The following B3GALT1 variants were observed in gnomAD, a reference collection of about 807,000 sequenced individuals.
B3GALT1 encodes UDP-Gal:betaGlcNAc beta 1,3-galactosyltransferase, polypeptide 1.
Under a neutral mutation model 23.2 loss-of-function variants are expected in B3GALT1, and 10 were observed. The ratio of observed to expected loss-of-function variants is 0.43; its 90% CI spans 0.27 to 0.73. The LOEUF (loss-of-function observed/expected upper bound fraction) is 0.73, where lower values mean the gene tolerates loss of function less well. Ranked by LOEUF, B3GALT1 falls within the 30% of genes least tolerant of loss-of-function variation. B3GALT1 has a pLI of 0.21. For missense variants in B3GALT1, 299 were observed against 405.4 expected (o/e 0.74, Z 2.25); for synonymous variants, 156 against 141.5 (o/e 1.10, Z -0.73).
chr2:167,855,962 A>C (rs1192678660), intron 4 of B3GALT1, among the ~76,000 whole-genome samples: 1 of 152,144 alleles, frequency 6.6e-6, no homozygotes, highest in Non-Finnish European at 1.5e-5. Flanking sequence ...ACAACAACAA[A>C]AAAAATAGCC....
chr2:167,676,240 A>G (rs1686422662), intron 3 of B3GALT1, among the ~76,000 whole-genome samples: 1 of 152,160 alleles, frequency 6.6e-6, no homozygotes, highest in African/African-American at 2.4e-5. Flanking sequence ...TGCAACATGC[A>G]AACTCATAAA....
At chr2:167,428,434 G>T (rs182509803) in intron 1 of B3GALT1, among the ~76,000 whole-genome samples, 3 of 152,170 alleles carry the variant, frequency 2.0e-5, no homozygotes, top group Admixed American at 6.5e-5. Context: ...CAGCACTTTG[G>T]GGGGCTGAGG....
intron 2 of B3GALT1, among the ~76,000 whole-genome samples, chr2:167,639,957 A>T (rs1685622909): frequency 6.6e-6 from 1 of 152,106 alleles, no homozygotes; most frequent in Non-Finnish European, 1.5e-5. Flanking sequence ...TTTTGAGGTT[A>T]TCTGGGACAC....
chr2:167,521,799 A>G lies in B3GALT1; in HGVS notation c.-410+31522A>G, dbSNP rs140623223. 3.3e-5 allele frequency among the ~76,000 whole-genome samples: 5 copies of G among 152,012 alleles called. No individual in the cohort carries two copies. The East Asian group carries it at 5.8e-4, about 18-fold the overall frequency. ...ATGTAATTCCTAGAACTTGCTTTGTATAACTCTTTTTATTTCTAAGCAAAT... is the reference window on the plus strand; with the variant it reads ...ATGTAATTCCTAGAACTTGCTTTGTGTAACTCTTTTTATTTCTAAGCAAAT... On this transcript the variant is annotated intron_variant, in intron 2 of 4. Coordinates refer to ENST00000392690, the MANE Select transcript of B3GALT1 (RefSeq NM_020981.4).
intron 3 of B3GALT1, among the ~76,000 whole-genome samples, chr2:167,676,421 G>C (rs1280441698): frequency 6.6e-6 from 1 of 151,768 alleles, no homozygotes; most frequent in East Asian, 1.9e-4. Context: ...CATCAGATGA[G>C]TTGTTGAGAG....
At chr2:167,459,297 G>T (rs1699220180) in intron 1 of B3GALT1, among the ~76,000 whole-genome samples, 2 of 151,724 alleles carry the variant, frequency 1.3e-5, no homozygotes, top group Non-Finnish European at 2.9e-5. Context: ...TTTCTGTGTG[G>T]TTACCACAAA....
chr2:167,514,664 T>C (rs887257136), intron 2 of B3GALT1, among the ~76,000 whole-genome samples: 1 of 152,190 alleles, frequency 6.6e-6, no homozygotes, highest in Non-Finnish European at 1.5e-5. Context: ...TAGTTTTTGT[T>C]TGTCATCAAA....
rs929393467 is a variant in B3GALT1, at chr2:167,870,963, T to C, written c.*943T>C. The C allele has an allele frequency of 6.0e-6, 1 of 165,872 alleles. No homozygotes were observed. Among genetic ancestry groups the C allele is most frequent in the Non-Finnish European group, 1.5e-5 (1 of 68,088 alleles). The allele number at this position is 165,872 out of a possible 1,614,324, so 10.3% of individuals were successfully genotyped here. On this transcript the variant is annotated 3_prime_UTR_variant, in exon 5 of 5. Coordinates refer to ENST00000392690, the MANE Select transcript of B3GALT1 (RefSeq NM_020981.4). ...ATTATAATTAACATAAGCTTAGCAA[T>C]AGTATAAGATGCCCCCACACACAGA...
chr2:167,527,445 T>C (rs1683241306), intron 2 of B3GALT1, among the ~76,000 whole-genome samples: 1 of 141,204 alleles, frequency 7.1e-6, no homozygotes. Context: ...ATTTATACCT[T>C]CATTTTATAG....
At chr2:167,553,213 C>A (rs1683780103) in intron 2 of B3GALT1, among the ~76,000 whole-genome samples, 1 of 152,136 alleles carries the variant, frequency 6.6e-6, no homozygotes, top group African/African-American at 2.4e-5. Context: ...CTGTTCATAT[C>A]AGAAAAGCAA....
chr2:167,858,500 C>T (rs1206511247), intron 4 of B3GALT1, among the ~76,000 whole-genome samples: 1 of 152,082 alleles, frequency 6.6e-6, no homozygotes, highest in East Asian at 1.9e-4. Context: ...TCATGTAGCA[C>T]CATTTGACTT....
chr2:167,454,009 A>G (rs918630275), intron 1 of B3GALT1, among the ~76,000 whole-genome samples: 2 of 152,126 alleles, frequency 1.3e-5, no homozygotes, highest in Admixed American at 1.3e-4. Flanking sequence ...CTATTTATCC[A>G]CATCAGAGAC....
chr2:167,736,325 A>G (rs1427972530), intron 3 of B3GALT1, among the ~76,000 whole-genome samples: 3 of 152,198 alleles, frequency 2.0e-5, no homozygotes, highest in African/African-American at 7.2e-5. Flanking sequence ...GTGTAGCCCA[A>G]ATACTGAAAG....
chr2:167,689,317 T>C (rs979087889), intron 3 of B3GALT1, among the ~76,000 whole-genome samples: 2 of 151,850 alleles, frequency 1.3e-5, no homozygotes, highest in Non-Finnish European at 2.9e-5. Context: ...CCAGCAAAAA[T>C]ATCCTTCAGG....
At chr2:167,618,878 CTGA>C (rs994362199) in intron 2 of B3GALT1, among the ~76,000 whole-genome samples, 3 of 151,762 alleles carry the variant, frequency 2.0e-5, no homozygotes, top group Non-Finnish European at 4.4e-5. Flanking sequence ...TTTTCCTTTC[CTGA>C]TGATGTTAAC....
chr2:167,407,000 G>A (rs1406951937), intron 1 of B3GALT1, among the ~76,000 whole-genome samples: 1 of 147,112 alleles, frequency 6.8e-6, no homozygotes, highest in Non-Finnish European at 1.5e-5. Context: ...GGCCAAACTG[G>A]CATTTATGGA....
At chr2:167,580,565 T>A (rs1412906357) in intron 2 of B3GALT1, among the ~76,000 whole-genome samples, 1 of 152,144 alleles carries the variant, frequency 6.6e-6, no homozygotes, top group Non-Finnish European at 1.5e-5. Context: ...CCCTGTGTCC[T>A]CCCTACCCAG....
chr2:167,590,227 T>C (rs986529250), intron 2 of B3GALT1, among the ~76,000 whole-genome samples: 3 of 151,348 alleles, frequency 2.0e-5, no homozygotes, highest in Non-Finnish European at 4.4e-5. Context: ...GCACCTGTAG[T>C]CCCAGCTACT....
chr2:167,707,332 A>G (rs1016270859), intron 3 of B3GALT1, among the ~76,000 whole-genome samples: 1 of 152,096 alleles, frequency 6.6e-6, no homozygotes, highest in Non-Finnish European at 1.5e-5. Flanking sequence ...ATAGATAAGT[A>G]TTGACAGATA....
Sources: gnomAD v4.1 joint callset for allele counts (sites outside exome capture counted in the v4.1 genomes callset) on GRCh38, gnomAD v4.1.1 for gene constraint, MANE v1.5 for transcripts, NCBI Gene and HGNC (gene_info 2026-07-23, HGNC 2026-07-21) for gene names.